Variants in CLCNKB observed in about 807,000 individuals in gnomAD.
The protein encoded by CLCNKB is chloride channel protein ClC-Kb.
In CLCNKB, 74 loss-of-function variants were observed where a neutral mutation model predicts 83.8. That is an observed-to-expected ratio of 0.88 (90% CI 0.73 to 1.07). The LOEUF is 1.07. Among genes scored for constraint, CLCNKB ranks in the 50% least tolerant of loss-of-function variants. The probability of loss-of-function intolerance (pLI) is 0.00; values close to 1 mark genes in which losing one functional copy is unlikely to be tolerated. For synonymous variants in CLCNKB, 358 were observed against 356.6 expected (o/e 1.00, Z -0.04); for missense variants, 798 against 893.6 (o/e 0.89, Z 1.36).
At chr1:16,044,080 T>C (rs1042487461) in intron 1 of CLCNKB, among the ~76,000 whole-genome samples, 200 bp downstream of exon 1, 2 of 152,046 alleles carry the variant, frequency 1.3e-5, no homozygotes, top group African/African-American at 4.8e-5. Flanking sequence ...GAGCCATCCA[T>C]GGGACTCTGC....
Position 16,049,929 on chromosome 1 carries a change from C to T in CLCNKB, c.968+13C>T, listed in dbSNP as rs529399128. On this transcript the variant is annotated intron_variant, in intron 10 of 19. Transcript: ENST00000375679. ...TGCTGGCCACCAGGTAGGCTCCGGG[C>T]TAAGGGCTGGGGACCTCTCAGCGAG... The T allele has an allele frequency of 7.6e-5, 112 of 1,482,608 alleles. No individual in the cohort carries two copies. In the South Asian group the frequency reaches 1.2e-3, roughly 16 times the overall value. The allele number at this position is 1,482,608 out of a possible 1,614,324, so 91.8% of individuals were successfully genotyped here.
chr1:16,044,398 T>C (rs1397059725), intron 1 of CLCNKB, 88 bp from the exon 2 acceptor site: 3 of 911,252 alleles, frequency 3.3e-6, no homozygotes, highest in Non-Finnish European at 5.1e-6. Flanking sequence ...TTCCTCTTCA[T>C]GGGTGGGGAG....
At position 16,051,435 on chromosome 1, in the gene CLCNKB, C is replaced by A. The variant is rs374460843; in HGVS notation, c.1228-43C>A. ...CTGTCCTCCCTTGTCCACGCCTTGC[C>A]CAGCAGCCTCTAACCTCTGCCCTGG... On this transcript the variant is annotated intron_variant, in intron 12 of 19. Coordinates refer to ENST00000375679, the MANE Select transcript of CLCNKB (RefSeq NM_000085.5). 4.0e-5 allele frequency: 65 copies of A among 1,608,594 alleles called. No homozygotes were observed. The African/African-American group carries it at 7.1e-4, about 18-fold the overall frequency.
At position 16,054,630 on chromosome 1, in the gene CLCNKB, C is replaced by T. The variant is rs1183469122; in HGVS notation, c.1757-805C>T. Among the ~76,000 whole-genome samples, 4 of 152,282 alleles carry T rather than the reference C, an allele frequency of 2.6e-5. No homozygotes were observed. The South Asian group carries it at 6.2e-4, about 24-fold the overall frequency. On this transcript the variant is annotated intron_variant, in intron 16 of 19. Coordinates refer to ENST00000375679, the MANE Select transcript of CLCNKB (RefSeq NM_000085.5). ...CCCCCACTAACTGGAAGACCGTTAG[C>T]ATTATGCTGTGGAATATGCCAAATA...
At position 16,057,042 on chromosome 1, in the gene CLCNKB, A is replaced by G. The variant is rs537964444; in HGVS notation, c.*126A>G. On this transcript the variant is annotated 3_prime_UTR_variant, in exon 20 of 20. Coordinates refer to ENST00000375679, the MANE Select transcript of CLCNKB (RefSeq NM_000085.5). ...CAGCCCAGCTCCATTCTTTGGCATA[A>G]CAGGCAACTTTAACCTAGCCCAGAA... 420 of 919,728 alleles carry G rather than the reference A, an allele frequency of 4.6e-4. No homozygotes were observed. The African/African-American group carries it at 6.0e-3, about 13-fold the overall frequency. 57.0% of individuals were successfully genotyped at this position (919,728 alleles called of 1,614,324 possible). A position where few individuals can be genotyped will look rare whatever the true frequency, so the allele number is the denominator to read the frequency against.
At position 16,053,753 on chromosome 1, in the gene CLCNKB, T is replaced by A; in HGVS notation, c.1737T>A (p.Tyr579Ter). The change falls in exon 16 of 20, where the codon TAT (tyrosine) becomes TAA (stop). Residue 579 changes from tyrosine (Y) to a stop codon, truncating the protein, a stop_gained. Coordinates refer to ENST00000375679, the MANE Select transcript of CLCNKB (RefSeq NM_000085.5). LOFTEE classifies it high-confidence loss of function. Reference sequence around the variant, plus strand: ...TGACCTCCACAGACGTGGCCAAGTATCCCCTGGTGGAGAGCACAGGTGCCC... The same window carrying A: ...TGACCTCCACAGACGTGGCCAAGTAACCCCTGGTGGAGAGCACAGGTGCCC... ...KVVTSTDVAK[Y>*]PLVESTESQI... 6.2e-7 allele frequency: 1 copy of A among 1,613,678 alleles called. No individual in the cohort carries two copies. Among genetic ancestry groups the A allele is most frequent in the Non-Finnish European group, 8.5e-7 (1 of 1,179,960 alleles).
chr1:16,046,704 CCTT>C lies in CLCNKB; in HGVS notation c.358+44_358+46del, dbSNP rs35820664. 0.77 allele frequency: 1,237,623 copies of C among 1,609,370 alleles called. 484,813 individuals carry two copies. Among genetic ancestry groups the C allele is most frequent in the East Asian group, 0.99 (44,189 of 44,816 alleles). On this transcript the variant is annotated intron_variant, in intron 4 of 19. Transcript: ENST00000375679. Reference sequence around the variant, plus strand: ...CTACGCCAGTCCCCACTGGCCAAAACCTTCTCAGATCCCAGGGGGGAGTCGGGA... The same window carrying C: ...CTACGCCAGTCCCCACTGGCCAAAACCTCAGATCCCAGGGGGGAGTCGGGA...
Position 16,051,524 on chromosome 1 carries a change from A to G in CLCNKB, c.1274A>G (p.Tyr425Cys). 6.2e-7 allele frequency: 1 copy of G among 1,614,062 alleles called. No homozygotes were observed. The highest frequency in any genetic ancestry group is 8.5e-7 in the Non-Finnish European group (1 of 1,179,984). ...ACCACCATCCCCATGCCTGCCGGGT[A>G]CTTCATGCCCATCTTTGTCTATGGT... ...LATTIPMPAG[Y>C]FMPIFVYGAA... is the part of the protein sequence containing the mutation. The change falls in exon 13 of 20, where the codon TAC (tyrosine) becomes TGC (cysteine). Residue 425 changes from tyrosine to cysteine, a missense_variant. Transcript: ENST00000375679.
At chr1:16,048,705 C>CTTGAG in intron 7 of CLCNKB, 123 bp downstream of exon 7, 3 of 1,520,106 alleles carry the variant, frequency 2.0e-6, no homozygotes, top group Non-Finnish European at 2.7e-6. Flanking sequence ...CTCACTTCAG[C>CTTGAG]CCCGCCTTGG....
In CLCNKB at chr1:16,050,998, C is replaced by G; in HGVS notation, c.1177C>G (p.His393Asp). The G allele has an allele frequency of 6.2e-7, 1 of 1,614,080 alleles. No homozygotes were observed. The highest frequency in any genetic ancestry group is 8.5e-7 in the Non-Finnish European group (1 of 1,180,018). The change falls in exon 12 of 20, where the codon CAC becomes GAC. Residue 393 changes from histidine to aspartate, a missense_variant. His to Asp is a moderately conservative substitution (Grantham distance 81). Transcript: ENST00000375679. ...CCAGCACCTGTGGTGGGAATGGTAC[C>G]ACCCGCGGTTCACCATCTTTGGGAC... ...DPQHLWWEWY[H>D]PRFTIFGTLA...
At position 16,046,738 on chromosome 1, in the gene CLCNKB, C is replaced by T. The variant is rs532173719; in HGVS notation, c.358+75C>T. The stretch of plus-strand genomic sequence containing the variant: ...ATCCCAGGGGGGAGTCGGGAAGGGG[C>T]AGCCTCATTTCACAGACAAAGGCCC... On this transcript the variant is annotated intron_variant, in intron 4 of 19. Transcript: ENST00000375679. 6.9e-5 allele frequency: 108 copies of T among 1,570,854 alleles called. No homozygotes were observed. In the South Asian group the frequency reaches 1.2e-3, roughly 17 times the overall value.
chr1:16,055,875 T>C lies in CLCNKB; in HGVS notation c.1929+117T>C, dbSNP rs148105380. On this transcript the variant is annotated intron_variant, in intron 18 of 19. Transcript: ENST00000375679. ...CCCGCCCTGCCCGTCTTATGCTGCT[T>C]CCTGCTCCTCCTGGGCCAGTGTCCT... 4,817 of 906,338 alleles carry C rather than the reference T, an allele frequency of 5.3e-3. 103 individuals are homozygous for C. The highest frequency in any genetic ancestry group is 0.047 in the African/African-American group (2,850 of 60,934). 56.1% of individuals were successfully genotyped at this position (906,338 alleles called of 1,614,324 possible).
At chr1:16,044,356 TAC>T (rs1553127093) in intron 1 of CLCNKB, 128 bp from the exon 2 acceptor site, 5,115 of 359,958 alleles carry the variant, frequency 0.014, 2 homozygotes, top group Middle Eastern at 0.029. Context: ...TAACTTCACA[TAC>T]ACACACACAC....
intron 1 of CLCNKB, 65 bp from the exon 2 acceptor site, chr1:16,044,421 G>A (rs1383598291): frequency 7.6e-7 from 1 of 1,316,398 alleles, no homozygotes; most frequent in Non-Finnish European, 1.1e-6. Flanking sequence ...CACTGGAAGG[G>A]CCTAGAGGCA....
rs1302823253 is a variant in CLCNKB, at chr1:16,048,160, C to T, written c.498+116C>T. ...GGGACTTGGGCTGGTCCCTGCCTTC[C>T]AGGAACTCAGTCTTGGGGGAAGAGG... On this transcript the variant is annotated intron_variant, in intron 5 of 19. Coordinates refer to ENST00000375679, the MANE Select transcript of CLCNKB (RefSeq NM_000085.5). 6.8e-6 allele frequency: 10 copies of T among 1,478,988 alleles called. No homozygotes were observed. In the African/African-American group the frequency reaches 7.0e-5, roughly 10 times the overall value. The allele number at this position is 1,478,988 out of a possible 1,614,324, so 91.6% of individuals were successfully genotyped here.
chr1:16,050,700 T>A, intron 11 of CLCNKB, 100 bp downstream of exon 11: 1 of 1,486,362 alleles, frequency 6.7e-7, no homozygotes, highest in South Asian at 1.1e-5. Flanking sequence ...ATAAGGGAGA[T>A]GCCTCAGCAT....
intron 16 of CLCNKB, among the ~76,000 whole-genome samples, chr1:16,054,788 C>T (rs1344348524): frequency 6.6e-6 from 1 of 152,094 alleles, no homozygotes; most frequent in Admixed American, 6.5e-5. Context: ...GTGCTCCAAC[C>T]AACACAGGCC....
chr1:16,044,397 A>ATT (rs2023029311), intron 1 of CLCNKB, 89 bp from the exon 2 acceptor site: 2 of 948,164 alleles, frequency 2.1e-6, no homozygotes, highest in East Asian at 2.7e-5. Flanking sequence ...TTTCCTCTTC[A>ATT]TGGGTGGGGA....
chr1:16,052,494 A>G (rs755242966), intron 15 of CLCNKB, 83 bp downstream of exon 15: 29 of 1,568,326 alleles, frequency 1.8e-5, no homozygotes, highest in Non-Finnish European at 2.5e-5. Context: ...CGAAAAAGAA[A>G]CGCCACCGTA....
Sources: gnomAD v4.1 joint callset for allele counts (sites outside exome capture counted in the v4.1 genomes callset) on GRCh38, gnomAD v4.1.1 for gene constraint, MANE v1.5 for transcripts, NCBI Gene and HGNC (gene_info 2026-07-23, HGNC 2026-07-21) for gene names.